The following LMCD1 variants were observed in gnomAD, a reference collection of about 807,000 sequenced individuals.
The protein encoded by LMCD1 is LIM and cysteine rich domains 1.
A neutral mutation model predicts 42.7 loss-of-function variants in LMCD1; 32 were observed. That is an observed-to-expected ratio of 0.75 (90% confidence interval 0.57 to 1.01). The LOEUF (loss-of-function observed/expected upper bound fraction) is 1.01, where lower values mean the gene tolerates loss of function less well. Among genes scored for constraint, LMCD1 ranks in the 50% least tolerant of loss-of-function variants. LMCD1 has a pLI of 0.00. For missense variants in LMCD1, 458 were observed against 483.1 expected, an observed-to-expected ratio of 0.95 and a Z score of 0.49; for synonymous variants, 178 against 184.9, an observed-to-expected ratio of 0.96 and a Z score of 0.30.
At chr3:8,503,086 A>G (rs1270126861) in intron 1 of LMCD1, among the ~76,000 whole-genome samples, 1 of 152,190 alleles carries the variant, frequency 6.6e-6, no homozygotes, top group African/African-American at 2.4e-5. Flanking sequence ...GGTAGCAGGG[A>G]TACTGACACT....
chr3:8,507,315 TA>T (rs1693904644), intron 1 of LMCD1, among the ~76,000 whole-genome samples: 2 of 152,228 alleles, frequency 1.3e-5, no homozygotes, highest in African/African-American at 4.8e-5. Flanking sequence ...AAGGCTCCTT[TA>T]GTGGCTGAAA....
At chr3:8,534,826 G>T (rs1445107161) in intron 2 of LMCD1, among the ~76,000 whole-genome samples, 4 of 152,050 alleles carry the variant, frequency 2.6e-5, no homozygotes, top group African/African-American at 9.7e-5. Context: ...TGGGGTGAGA[G>T]GGGTGGATCA....
In LMCD1 at chr3:8,522,505, A is replaced by G. The variant is rs548371285; in HGVS notation, c.43-10232A>G. 9.6e-4 allele frequency among the ~76,000 whole-genome samples: 146 copies of G among 152,168 alleles called. 1 individual carries two copies. The highest frequency in any genetic ancestry group is 1.7e-3 in the Non-Finnish European group (119 of 68,034). On this transcript the variant is annotated intron_variant, in intron 1 of 5. Transcript: ENST00000157600. The stretch of plus-strand genomic sequence containing the variant: ...AGACTTCAGGGACAGCTGCTGTGGG[A>G]GTCACAGAAGCAACAGTTCCCTTCC...
intron 1 of LMCD1, among the ~76,000 whole-genome samples, chr3:8,531,581 G>C (rs1295330782): frequency 6.6e-6 from 1 of 152,066 alleles, no homozygotes; most frequent in Non-Finnish European, 1.5e-5. Context: ...AGCTCGATTT[G>C]GAATCCAAGT....
intron 4 of LMCD1, among the ~76,000 whole-genome samples, chr3:8,556,037 T>G (rs1462761999): frequency 6.6e-6 from 1 of 152,246 alleles, no homozygotes; most frequent in African/African-American, 2.4e-5. Context: ...AGCTTTTTAT[T>G]AATCTCTTTG....
chr3:8,535,193 T>C (rs1008769058), intron 2 of LMCD1, among the ~76,000 whole-genome samples: 3 of 152,224 alleles, frequency 2.0e-5, no homozygotes, highest in Admixed American at 1.3e-4. Flanking sequence ...CCCCTGATAC[T>C]GCCTAGTGCC....
chr3:8,550,543 CT>C, intron 4 of LMCD1: 1 of 985,136 alleles, frequency 1.0e-6, no homozygotes, highest in East Asian at 1.1e-4. Context: ...TTAGCACCAT[CT>C]GGGATTGCCA....
intron 5 of LMCD1, among the ~76,000 whole-genome samples, chr3:8,567,234 G>T (rs171408): frequency 2.6e-5 from 4 of 151,946 alleles, no homozygotes; most frequent in Non-Finnish European, 5.9e-5. Flanking sequence ...TTTTTATTCC[G>T]TCTGAGAAGC....
intron 1 of LMCD1, among the ~76,000 whole-genome samples, chr3:8,512,425 C>T (rs1192213822): frequency 6.6e-6 from 1 of 152,190 alleles, no homozygotes; most frequent in Non-Finnish European, 1.5e-5. Flanking sequence ...GTCAGTTGTA[C>T]ATGGTACATT....
intron 1 of LMCD1, among the ~76,000 whole-genome samples, chr3:8,522,500 G>A (rs1239068100): frequency 6.6e-6 from 1 of 152,192 alleles, no homozygotes; most frequent in Non-Finnish European, 1.5e-5. Context: ...GACAGCTGCT[G>A]TGGGAGTCAC....
intron 1 of LMCD1, among the ~76,000 whole-genome samples, chr3:8,517,252 T>C (rs1694117181): frequency 1.3e-5 from 2 of 152,220 alleles, no homozygotes; most frequent in Admixed American, 6.5e-5. Context: ...TACACTTTGT[T>C]TTATGCACCA....
chr3:8,512,076 A>G (rs578116811), intron 1 of LMCD1, among the ~76,000 whole-genome samples: 21 of 152,356 alleles, frequency 1.4e-4, no homozygotes, highest in African/African-American at 5.0e-4. Flanking sequence ...ATGTGAGCAG[A>G]ACATGAAAAC....
intron 1 of LMCD1, among the ~76,000 whole-genome samples, chr3:8,523,470 G>T (rs562652722): frequency 1.3e-5 from 2 of 152,324 alleles, no homozygotes; most frequent in South Asian, 4.1e-4. Context: ...TGTGTTTTAG[G>T]ATGCACTTTA....
Position 8,567,690 on chromosome 3 carries a change from C to T in LMCD1, c.*92C>T. The T allele has an allele frequency of 8.2e-7, 1 of 1,222,796 alleles. No individual in the cohort carries two copies. Among genetic ancestry groups the T allele is most frequent in the Non-Finnish European group, 1.1e-6 (1 of 872,588 alleles). The allele number at this position is 1,222,796 out of a possible 1,614,324, so 75.7% of individuals were successfully genotyped here. A position where few individuals can be genotyped will look rare whatever the true frequency, so the allele number is the denominator to read the frequency against. Reference sequence around the variant, plus strand: ...CCATCCTAAGGGTCCGATGTGACAGCAAGCAAGTGAAATAAACAATGATTT... The same window carrying T: ...CCATCCTAAGGGTCCGATGTGACAGTAAGCAAGTGAAATAAACAATGATTT... On this transcript the variant is annotated 3_prime_UTR_variant, in exon 6 of 6. Coordinates refer to ENST00000157600, the MANE Select transcript of LMCD1 (RefSeq NM_014583.4).
chr3:8,516,227 C>T (rs745699389), intron 1 of LMCD1, among the ~76,000 whole-genome samples: 5 of 152,094 alleles, frequency 3.3e-5, no homozygotes, highest in Non-Finnish European at 5.9e-5. Flanking sequence ...TCTGGGGAAG[C>T]GGTTGGCCTG....
At chr3:8,550,833 C>T (rs192552758) in intron 4 of LMCD1, 70 of 985,084 alleles carry the variant, frequency 7.1e-5, no homozygotes, top group Non-Finnish European at 7.4e-5. Context: ...ACCTCTAAGT[C>T]ACTGTAGCAT....
At chr3:8,521,427 A>G (rs138971363) in intron 1 of LMCD1, among the ~76,000 whole-genome samples, 4 of 152,320 alleles carry the variant, frequency 2.6e-5, no homozygotes, top group East Asian at 1.9e-4. Flanking sequence ...CCTTTGACAG[A>G]TAAAAGAGAG....
rs919735728 is a variant in LMCD1 at position 8,532,598 on chromosome 3, G to A, written c.43-139G>A. ...TGGTCTTCTCAGTTCCCGGTAAACA[G>A]TTTGTGATGGCTTATTGATCTCAAG... On this transcript the variant is annotated intron_variant, in intron 1 of 5. Coordinates refer to ENST00000157600, the MANE Select transcript of LMCD1 (RefSeq NM_014583.4). The A allele has an allele frequency of 6.1e-5, 43 of 709,394 alleles. No individual in the cohort carries two copies. In the African/African-American group the frequency reaches 7.3e-4, roughly 12 times the overall value. The allele number at this position is 709,394 out of a possible 1,614,324, so 43.9% of individuals were successfully genotyped here. A position where few individuals can be genotyped will look rare whatever the true frequency, so the allele number is the denominator to read the frequency against.
At chr3:8,519,478 A>G (rs186401788) in intron 1 of LMCD1, among the ~76,000 whole-genome samples, 11 of 152,298 alleles carry the variant, frequency 7.2e-5, no homozygotes, top group Admixed American at 1.3e-4. Flanking sequence ...ATGAGTTTTA[A>G]AAACAAGACC....
Sources: gnomAD v4.1 joint callset for allele counts (sites outside exome capture counted in the v4.1 genomes callset) on GRCh38, gnomAD v4.1.1 for gene constraint, MANE v1.5 for transcripts, NCBI Gene and HGNC (gene_info 2026-07-23, HGNC 2026-07-21) for gene names.